Variants in WWOX observed in about 807,000 individuals in gnomAD.
WWOX encodes WW domain containing oxidoreductase.
In WWOX, 69 loss-of-function variants were observed where a neutral mutation model predicts 46.2. The observed-to-expected ratio is 1.49, with a 90% CI of 1.23 to 1.82. WWOX has a LOEUF of 1.82. Among genes scored for constraint, WWOX ranks in the 40% most tolerant of loss-of-function variants. WWOX has a pLI of 0.00. For missense variants in WWOX, 919 were observed against 542.6 expected (o/e 1.69, Z -6.89); for synonymous variants, 359 against 202.6 (o/e 1.77, Z -6.56).
intron 8 of WWOX, among the ~76,000 whole-genome samples, chr16:78,879,535 T>G (rs1413664467): frequency 6.6e-6 from 1 of 151,974 alleles, no homozygotes; most frequent in African/African-American, 2.4e-5. Context: ...TTTGGCCTCG[T>G]GACCACCAAA....
chr16:78,657,713 A>T (rs2142161880), intron 8 of WWOX, among the ~76,000 whole-genome samples: 1 of 152,282 alleles, frequency 6.6e-6, no homozygotes, highest in African/African-American at 2.4e-5. Flanking sequence ...TGCCTTTTCT[A>T]GCTTGGAAGG....
chr16:78,354,199 T>G (rs1471137788), intron 5 of WWOX, among the ~76,000 whole-genome samples: 3 of 152,124 alleles, frequency 2.0e-5, no homozygotes, highest in African/African-American at 4.8e-5. Flanking sequence ...AACATCTGTT[T>G]GGAAACGTTT....
At chr16:78,967,087 C>G (rs1192441561) in intron 8 of WWOX, among the ~76,000 whole-genome samples, 1 of 152,040 alleles carries the variant, frequency 6.6e-6, no homozygotes, top group African/African-American at 2.4e-5. Context: ...AGAACTTTCC[C>G]CATAGTCATG....
chr16:79,140,899 G>C (rs973482116), intron 8 of WWOX, among the ~76,000 whole-genome samples: 1 of 152,148 alleles, frequency 6.6e-6, no homozygotes, highest in African/African-American at 2.4e-5. Flanking sequence ...GTCTCTGTTG[G>C]GAAGGATGCT....
intron 5 of WWOX, among the ~76,000 whole-genome samples, chr16:78,221,001 AT>A (rs2036868939): frequency 6.6e-6 from 1 of 152,204 alleles, no homozygotes; most frequent in African/African-American, 2.4e-5. Flanking sequence ...AGATTTTAAA[AT>A]TTCATTTTCT....
intron 8 of WWOX, among the ~76,000 whole-genome samples, chr16:78,884,266 C>T (rs1422072277): frequency 3.1e-5 from 4 of 129,304 alleles, no homozygotes; most frequent in African/African-American, 9.0e-5. Flanking sequence ...GAGTGAGACC[C>T]TGTCTCCAAA....
At chr16:78,563,050 A>G (rs577598200) in intron 8 of WWOX, among the ~76,000 whole-genome samples, 3 of 151,920 alleles carry the variant, frequency 2.0e-5, no homozygotes, top group Non-Finnish European at 2.9e-5. Flanking sequence ...CTGCACTTCA[A>G]GCTAAATATA....
chr16:78,414,473 G>T (rs1024383775), intron 6 of WWOX, among the ~76,000 whole-genome samples: 1 of 152,290 alleles, frequency 6.6e-6, no homozygotes, highest in Admixed American at 6.5e-5. Flanking sequence ...GGAGGTTGAG[G>T]CACGAGGATC....
chr16:78,260,697 G>A (rs2079208880), intron 5 of WWOX, among the ~76,000 whole-genome samples: 1 of 150,054 alleles, frequency 6.7e-6, no homozygotes, highest in South Asian at 2.1e-4. Context: ...TCTGCCCTTT[G>A]GGAGGCTGAG....
chr16:78,245,689 C>G (rs957029459), intron 5 of WWOX, among the ~76,000 whole-genome samples: 11 of 152,216 alleles, frequency 7.2e-5, no homozygotes, highest in African/African-American at 2.7e-4. Flanking sequence ...GATTTGTCAT[C>G]CCATAGAATG....
intron 8 of WWOX, among the ~76,000 whole-genome samples, chr16:79,065,960 T>C (rs78661370): frequency 0.018 from 2,748 of 152,298 alleles, 94 homozygotes; most frequent in African/African-American, 0.063. Context: ...CATTAGCTCA[T>C]GTCTCTCCTC....
At chr16:78,103,943 C>G (rs960438345) in intron 1 of WWOX, among the ~76,000 whole-genome samples, 26 of 152,120 alleles carry the variant, frequency 1.7e-4, no homozygotes, top group African/African-American at 6.3e-4. Flanking sequence ...CAAAGCCCAC[C>G]AGGGTGGGCT....
At chr16:78,582,459 C>G (rs985806716) in intron 8 of WWOX, among the ~76,000 whole-genome samples, 5 of 152,058 alleles carry the variant, frequency 3.3e-5, no homozygotes, top group Non-Finnish European at 7.4e-5. Flanking sequence ...TTTATATGAC[C>G]TGACGTTGAT....
At chr16:79,054,814 T>C (rs780475441) in intron 8 of WWOX, among the ~76,000 whole-genome samples, 2 of 152,158 alleles carry the variant, frequency 1.3e-5, no homozygotes, top group African/African-American at 4.8e-5. Context: ...TGAAAGAGTA[T>C]GACCTTTGTC....
intron 5 of WWOX, among the ~76,000 whole-genome samples, chr16:78,362,817 A>G (rs1016326361): frequency 2.6e-5 from 4 of 152,132 alleles, no homozygotes; most frequent in African/African-American, 7.2e-5. Flanking sequence ...TCATCTCACA[A>G]TCTTATGAAG....
At chr16:78,916,568 A>G (rs962552546) in intron 8 of WWOX, among the ~76,000 whole-genome samples, 2 of 152,236 alleles carry the variant, frequency 1.3e-5, no homozygotes, top group Non-Finnish European at 2.9e-5. Context: ...TCTGAGAGAG[A>G]AATGAGATAC....
chr16:78,555,062 G>T (rs1048804077), intron 8 of WWOX, among the ~76,000 whole-genome samples: 11 of 151,890 alleles, frequency 7.2e-5, no homozygotes, highest in Non-Finnish European at 1.6e-4. Flanking sequence ...GGAGACATTG[G>T]TGGGGGCCAG....
At chr16:78,109,042 TCA>T (rs1455721591) in intron 2 of WWOX, among the ~76,000 whole-genome samples, 1 of 152,174 alleles carries the variant, frequency 6.6e-6, no homozygotes, top group Non-Finnish European at 1.5e-5. Context: ...GGCCTTTGAT[TCA>T]CAGTTTATGA....
rs575073618 is a variant in WWOX at position 78,751,638 on chromosome 16, G to C, written c.1056+318886G>C. On this transcript the variant is annotated intron_variant, in intron 8 of 8. Coordinates refer to ENST00000566780, the MANE Select transcript of WWOX (RefSeq NM_016373.4). ...TTATATTTATGTAGATACAAAAATA[G>C]AGTTTGATATTAAACAATACTCCAA... Among the ~76,000 whole-genome samples the C allele has an allele frequency of 5.9e-5, 9 of 151,648 alleles. No homozygotes were observed. In the East Asian group the frequency reaches 1.5e-3, roughly 26 times the overall value.
Sources: gnomAD v4.1 joint callset for allele counts (sites outside exome capture counted in the v4.1 genomes callset) on GRCh38, gnomAD v4.1.1 for gene constraint, MANE v1.5 for transcripts, NCBI Gene and HGNC (gene_info 2026-07-23, HGNC 2026-07-21) for gene names.